The following CCSER1 variants were observed in gnomAD, a reference collection of about 807,000 sequenced individuals.
CCSER1 encodes the protein serine-rich coiled-coil domain-containing protein 1.
CCSER1 carries 41 observed loss-of-function variants against 82.0 expected under a neutral mutation model. That is an observed-to-expected ratio of 0.50 (90% confidence interval 0.39 to 0.65). The LOEUF (loss-of-function observed/expected upper bound fraction) is 0.65. Among genes scored for constraint, CCSER1 ranks in the 30% least tolerant of loss-of-function variants. CCSER1 has a pLI of 0.00. For missense variants in CCSER1, 1,119 were observed against 1,064.2 expected (o/e 1.05, Z -0.72); for synonymous variants, 414 against 383.9 (o/e 1.08, Z -0.92).
chr4:91,597,892 T>A (rs1007891941), intron 10 of CCSER1, among the ~76,000 whole-genome samples: 1 of 152,192 alleles, frequency 6.6e-6, no homozygotes, highest in African/African-American at 2.4e-5. Flanking sequence ...CTTCACAGCA[T>A]GATTCAATGA....
intron 3 of CCSER1, among the ~76,000 whole-genome samples, chr4:90,357,238 C>T (rs1363824063): frequency 1.3e-5 from 2 of 151,732 alleles, no homozygotes; most frequent in Non-Finnish European, 2.9e-5. Flanking sequence ...ATCATAGTTC[C>T]CCATAGCAGG....
At chr4:91,006,561 C>T (rs1388988861) in intron 9 of CCSER1, among the ~76,000 whole-genome samples, 1 of 151,314 alleles carries the variant, frequency 6.6e-6, no homozygotes, top group Non-Finnish European at 1.5e-5. Context: ...GTGATCTCGG[C>T]TCACTGCAAG....
chr4:91,160,645 A>G (rs917183509), intron 10 of CCSER1, among the ~76,000 whole-genome samples: 1 of 152,204 alleles, frequency 6.6e-6, no homozygotes. Flanking sequence ...TCTGATGACC[A>G]GTGATGATGA....
At chr4:91,185,068 G>T (rs1176764385) in intron 10 of CCSER1, among the ~76,000 whole-genome samples, 1 of 152,184 alleles carries the variant, frequency 6.6e-6, no homozygotes, top group Non-Finnish European at 1.5e-5. Flanking sequence ...AGCCAGTGCT[G>T]TAGAGAAATG....
intron 9 of CCSER1, among the ~76,000 whole-genome samples, chr4:91,045,414 A>G (rs554132536): frequency 1.3e-5 from 2 of 152,288 alleles, no homozygotes; most frequent in South Asian, 4.1e-4. Context: ...ATGCATTTTC[A>G]CAATTAGGTT....
chr4:90,753,179 A>T (rs1375444196), intron 7 of CCSER1, among the ~76,000 whole-genome samples: 1 of 152,120 alleles, frequency 6.6e-6, no homozygotes, highest in Admixed American at 6.6e-5. Flanking sequence ...CAGAGGAAAG[A>T]GGTTTTAGTT....
chr4:91,093,856 C>A (rs147718237), intron 10 of CCSER1, among the ~76,000 whole-genome samples: 1 of 152,196 alleles, frequency 6.6e-6, no homozygotes, highest in Non-Finnish European at 1.5e-5. Flanking sequence ...CCCCATACAA[C>A]GGTTTGGCTA....
intron 10 of CCSER1, among the ~76,000 whole-genome samples, chr4:91,428,817 G>A (rs924359686): frequency 2.0e-5 from 3 of 151,760 alleles, no homozygotes; most frequent in Non-Finnish European, 4.4e-5. Context: ...AAATTCAATC[G>A]AATGAAAAGT....
At chr4:90,391,500 G>T (rs972846634) in intron 3 of CCSER1, among the ~76,000 whole-genome samples, 845 of 21,268 alleles carry the variant, frequency 0.04, no homozygotes, top group East Asian at 0.061. Context: ...ACACACAGTG[G>T]GTAAATATAT....
intron 7 of CCSER1, among the ~76,000 whole-genome samples, chr4:90,815,245 C>A (rs1758846213): frequency 6.6e-6 from 1 of 152,076 alleles, no homozygotes; most frequent in Non-Finnish European, 1.5e-5. Flanking sequence ...ATGAGAATAT[C>A]ATGGGAGAAA....
chr4:91,201,661 C>T (rs1046585204), intron 10 of CCSER1, among the ~76,000 whole-genome samples: 6 of 151,960 alleles, frequency 3.9e-5, no homozygotes, highest in Non-Finnish European at 7.4e-5. Context: ...AAGGCAATAT[C>T]GTGGGATTAC....
chr4:90,961,464 A>G (rs866223755), intron 9 of CCSER1, among the ~76,000 whole-genome samples: 1 of 152,170 alleles, frequency 6.6e-6, no homozygotes, highest in South Asian at 2.1e-4. Context: ...CCTATATTAA[A>G]TGTATGAATA....
At chr4:90,561,909 C>T (rs1036147211) in intron 5 of CCSER1, among the ~76,000 whole-genome samples, 5 of 151,922 alleles carry the variant, frequency 3.3e-5, no homozygotes, top group South Asian at 4.1e-4. Context: ...AAATTTAGGC[C>T]GGGAGTGGTA....
intron 10 of CCSER1, among the ~76,000 whole-genome samples, chr4:91,148,705 A>G (rs868009360): frequency 2.6e-5 from 4 of 152,216 alleles, no homozygotes; most frequent in Non-Finnish European, 2.9e-5. Flanking sequence ...TCATTGTTCA[A>G]ATCCCACCTA....
At chr4:90,622,511 A>C (rs993912844) in intron 5 of CCSER1, among the ~76,000 whole-genome samples, 24 of 152,162 alleles carry the variant, frequency 1.6e-4, no homozygotes, top group Non-Finnish European at 1.2e-4. Context: ...GAGTGAGAAC[A>C]TGCGGTGTTT....
chr4:90,751,858 A>G (rs1748716263), intron 7 of CCSER1, among the ~76,000 whole-genome samples: 1 of 152,098 alleles, frequency 6.6e-6, no homozygotes, highest in African/African-American at 2.4e-5. Context: ...CTTTTTAAAA[A>G]TTAAAAAGTA....
At chr4:90,391,486 A>G (rs1231920720) in intron 3 of CCSER1, among the ~76,000 whole-genome samples, 2 of 73,884 alleles carry the variant, frequency 2.7e-5, no homozygotes, top group Non-Finnish European at 2.4e-5. Flanking sequence ...ATATATATAT[A>G]CACACACACA....
chr4:91,013,776 T>C lies in CCSER1; in HGVS notation c.2173-72174T>C, dbSNP rs1344462191. On this transcript the variant is annotated intron_variant, in intron 9 of 10. Transcript: ENST00000509176. ...TGTCACCACGCCCAGCTATTGTTTT[T>C]GTATTTTTTTTTTTTTTTGTATTTT... Among the ~76,000 whole-genome samples, 9 of 30,068 alleles carry C rather than the reference T, an allele frequency of 3.0e-4. 1 individual carries two copies. The highest frequency in any genetic ancestry group is 3.7e-4 in the Non-Finnish European group (5 of 13,690). 19.7% of individuals were successfully genotyped at this position (30,068 alleles called of 152,430 possible). A position where few individuals can be genotyped will look rare whatever the true frequency, so the allele number is the denominator to read the frequency against.
At chr4:91,363,799 G>T (rs776450240) in intron 10 of CCSER1, among the ~76,000 whole-genome samples, 1 of 151,702 alleles carries the variant, frequency 6.6e-6, no homozygotes, top group East Asian at 1.9e-4. Context: ...TGTATCAGGA[G>T]TACTTTTTCA....
Sources: allele counts gnomAD v4.1 joint callset (sites outside exome capture counted in the v4.1 genomes callset), GRCh38; gene constraint gnomAD v4.1.1; transcripts MANE v1.5; gene names NCBI Gene and HGNC (gene_info 2026-07-23, HGNC 2026-07-21).